The following C1orf21 variants were observed in gnomAD, a reference collection of about 807,000 sequenced individuals.
C1orf21 encodes the protein chromosome 1 open reading frame 21.
In C1orf21, 3 loss-of-function variants were observed where a neutral mutation model predicts 18.7. The observed-to-expected ratio is 0.16, with a 90% CI of 0.07 to 0.42. C1orf21 has a LOEUF of 0.42. C1orf21 is among the 10% of genes least tolerant of loss of function. C1orf21 has a pLI of 0.99. For missense variants in C1orf21, 104 were observed against 143.6 expected, an observed-to-expected ratio of 0.72 and a Z score of 1.41; for synonymous variants, 41 against 46.4, an observed-to-expected ratio of 0.88 and a Z score of 0.47.
rs542203372 is a variant in C1orf21 at position 184,615,724 on chromosome 1, G to A, written c.328-3794G>A. On this transcript the variant is annotated intron_variant, in intron 5 of 5. Transcript: ENST00000235307. The stretch of plus-strand genomic sequence containing the variant: ...CCCAGTAGGGCCAGTGTGCAGATGG[G>A]GTCCCCTGTGATGCTGAGATGGGGC... Among the ~76,000 whole-genome samples the A allele has an allele frequency of 7.6e-4, 116 of 152,214 alleles. 1 individual carries two copies. The highest frequency in any genetic ancestry group is 2.1e-3 in the South Asian group (10 of 4,822).
chr1:184,617,659 T>C (rs1188894177), intron 5 of C1orf21, among the ~76,000 whole-genome samples: 1 of 152,180 alleles, frequency 6.6e-6, no homozygotes, highest in Non-Finnish European at 1.5e-5. Context: ...GTTACCCAGC[T>C]TCTCTGCTCA....
intron 3 of C1orf21, among the ~76,000 whole-genome samples, chr1:184,509,882 A>G (rs1004134226): frequency 6.6e-6 from 1 of 152,162 alleles, no homozygotes; most frequent in African/African-American, 2.4e-5. Context: ...TTAGGGTTTC[A>G]GTCTCAGCTC....
intron 2 of C1orf21, among the ~76,000 whole-genome samples, chr1:184,483,962 C>T (rs747310294): frequency 5.9e-5 from 9 of 151,934 alleles, no homozygotes; most frequent in African/African-American, 9.7e-5. Context: ...CTCACTCCAT[C>T]GCCCAGGCTG....
chr1:184,612,662 C>T lies in C1orf21; in HGVS notation c.328-6856C>T, dbSNP rs559757867. 2.6e-5 allele frequency among the ~76,000 whole-genome samples: 4 copies of T among 152,210 alleles called. No homozygotes were observed. The East Asian group carries it at 5.8e-4, about 22-fold the overall frequency. On this transcript the variant is annotated intron_variant, in intron 5 of 5. Coordinates refer to ENST00000235307, the MANE Select transcript of C1orf21 (RefSeq NM_030806.4). The stretch of plus-strand genomic sequence containing the variant: ...TGCCACTGCACTCCAGCCTGGGCAA[C>T]AGAGCCAGGCTCCATCTCAAAAAAC...
intron 4 of C1orf21, among the ~76,000 whole-genome samples, chr1:184,597,999 T>C (rs770044687): frequency 6.6e-6 from 1 of 152,184 alleles, no homozygotes; most frequent in Non-Finnish European, 1.5e-5. Flanking sequence ...GTAAAATATA[T>C]ATTTCAATAC....
intron 3 of C1orf21, among the ~76,000 whole-genome samples, chr1:184,582,828 T>C (rs972588942): frequency 1.1e-4 from 16 of 151,862 alleles, no homozygotes; most frequent in African/African-American, 3.9e-4. Context: ...AATGTTTTTT[T>C]GTTTGTTTGT....
chr1:184,518,225 A>C (rs1387344230), intron 3 of C1orf21, among the ~76,000 whole-genome samples: 1 of 152,228 alleles, frequency 6.6e-6, no homozygotes, highest in South Asian at 2.1e-4. Context: ...TTATTAAATC[A>C]GTCTTCCAAG....
intron 5 of C1orf21, chr1:184,599,198 T>G (rs1313797516): frequency 1.3e-5 from 2 of 152,220 alleles, no homozygotes; most frequent in African/African-American, 4.8e-5. Flanking sequence ...TATTATAATT[T>G]TTTTATTCTA....
At chr1:184,399,356 ATTTTTT>A (rs59376994) in intron 1 of C1orf21, among the ~76,000 whole-genome samples, 1 of 79,082 alleles carries the variant, frequency 1.3e-5, no homozygotes, top group African/African-American at 4.4e-5. Context: ...ATGTACTTCT[ATTTTTT>A]TTTTTTTTTT....
chr1:184,402,910 G>A (rs1656186652), intron 1 of C1orf21, among the ~76,000 whole-genome samples: 1 of 152,222 alleles, frequency 6.6e-6, no homozygotes, highest in African/African-American at 2.4e-5. Flanking sequence ...TACCATGCTG[G>A]TGAGAGTATA....
intron 5 of C1orf21, among the ~76,000 whole-genome samples, chr1:184,615,704 T>A (rs1031006830): frequency 6.6e-6 from 1 of 152,194 alleles, no homozygotes; most frequent in Non-Finnish European, 1.5e-5. Flanking sequence ...TCCTGCCCAG[T>A]AGGGCCAGTG....
intron 3 of C1orf21, among the ~76,000 whole-genome samples, chr1:184,574,869 G>A (rs992227756): frequency 1.3e-5 from 2 of 152,222 alleles, no homozygotes; most frequent in Admixed American, 6.5e-5. Context: ...GTCGGGCTGC[G>A]GAGGGCCCAG....
intron 5 of C1orf21, among the ~76,000 whole-genome samples, chr1:184,602,302 G>C (rs542856966): frequency 6.6e-6 from 1 of 152,282 alleles, no homozygotes; most frequent in Admixed American, 6.5e-5. Flanking sequence ...TGCTGCGACC[G>C]GAGATGACCA....
intron 3 of C1orf21, among the ~76,000 whole-genome samples, chr1:184,570,065 T>C (rs1438749443): frequency 6.6e-6 from 1 of 152,250 alleles, no homozygotes; most frequent in African/African-American, 2.4e-5. Flanking sequence ...TGTAATATCA[T>C]TCTGCCTTGT....
At chr1:184,548,114 T>A (rs1322678714) in intron 3 of C1orf21, among the ~76,000 whole-genome samples, 2 of 152,096 alleles carry the variant, frequency 1.3e-5, no homozygotes, top group African/African-American at 4.8e-5. Context: ...CCCTAGGCTG[T>A]GTGATCTTAG....
chr1:184,434,688 A>T (rs1431121867), intron 1 of C1orf21, among the ~76,000 whole-genome samples: 1 of 152,134 alleles, frequency 6.6e-6, no homozygotes, highest in Non-Finnish European at 1.5e-5. Flanking sequence ...GATGGAAGGC[A>T]CCCATGACAG....
At chr1:184,506,078 A>G (rs1327001672) in intron 2 of C1orf21, among the ~76,000 whole-genome samples, 2 of 152,200 alleles carry the variant, frequency 1.3e-5, no homozygotes, top group Non-Finnish European at 2.9e-5. Flanking sequence ...ATTGTGGATC[A>G]GAATCTGCTG....
At chr1:184,543,639 A>G (rs566171960) in intron 3 of C1orf21, among the ~76,000 whole-genome samples, 15 of 152,292 alleles carry the variant, frequency 9.8e-5, no homozygotes, top group South Asian at 2.1e-4. Flanking sequence ...TAAAAATGTT[A>G]TCACTTCTGG....
chr1:184,432,373 C>G (rs749701658), intron 1 of C1orf21, among the ~76,000 whole-genome samples: 2 of 152,090 alleles, frequency 1.3e-5, no homozygotes. Context: ...TTTGCAGGGA[C>G]ATGGATGAAG....
Sources: allele counts gnomAD v4.1 joint callset (sites outside exome capture counted in the v4.1 genomes callset), GRCh38; gene constraint gnomAD v4.1.1; transcripts MANE v1.5; gene names NCBI Gene and HGNC (gene_info 2026-07-23, HGNC 2026-07-21).